The following NPAS3 variants were observed in gnomAD, a reference collection of about 807,000 sequenced individuals.
The protein encoded by NPAS3 is neuronal PAS domain protein 3.
A neutral mutation model predicts 73.1 loss-of-function variants in NPAS3; 14 were observed. The ratio of observed to expected loss-of-function variants is 0.19; its 90% CI spans 0.13 to 0.30. The LOEUF is 0.30. Ranked by LOEUF, NPAS3 falls within the 10% of genes least tolerant of loss-of-function variation. The pLI is 1.00. For synonymous variants in NPAS3, 620 were observed against 541.5 expected, an observed-to-expected ratio of 1.14 and a Z score of -2.01; for missense variants, 1,096 against 1,250.0, an observed-to-expected ratio of 0.88 and a Z score of 1.86.
chr14:33,000,559 AGC>A (rs2038769768), intron 1 of NPAS3, among the ~76,000 whole-genome samples: 1 of 152,250 alleles, frequency 6.6e-6, no homozygotes, highest in Non-Finnish European at 1.5e-5. Context: ...GGGTTTATGA[AGC>A]ACTGACAGCG....
chr14:33,221,314 G>T (rs895001437), intron 3 of NPAS3, among the ~76,000 whole-genome samples: 2 of 152,194 alleles, frequency 1.3e-5, no homozygotes, highest in Non-Finnish European at 2.9e-5. Context: ...AAGTCAAGGG[G>T]CAGGGAAGCA....
chr14:33,687,103 G>T (rs1042815451), intron 6 of NPAS3, among the ~76,000 whole-genome samples: 1 of 152,180 alleles, frequency 6.6e-6, no homozygotes, highest in African/African-American at 2.4e-5. Context: ...GAAAAAGACA[G>T]AAATATGCCT....
chr14:33,011,047 A>G (rs2039177011), intron 1 of NPAS3, among the ~76,000 whole-genome samples: 1 of 152,128 alleles, frequency 6.6e-6, no homozygotes, highest in Admixed American at 6.5e-5. Context: ...TTTGTGAGTA[A>G]TGGCAGTTAC....
chr14:33,532,310 G>A lies in NPAS3; in HGVS notation c.469-27811G>A, dbSNP rs374415567. On this transcript the variant is annotated intron_variant, in intron 4 of 11. Transcript: ENST00000356141. ...CCAGTCTCAGTTTTTCCTTTCTTTG[G>A]TCTCTGTCGAGCTTTTGCCCCAGCT... Among the ~76,000 whole-genome samples the A allele has an allele frequency of 3.3e-5, 5 of 151,718 alleles. No homozygotes were observed. In the East Asian group the frequency reaches 5.8e-4, roughly 18 times the overall value.
At chr14:33,473,864 T>C (rs1363155368) in intron 4 of NPAS3, among the ~76,000 whole-genome samples, 1 of 152,198 alleles carries the variant, frequency 6.6e-6, no homozygotes, top group Non-Finnish European at 1.5e-5. Context: ...AGCACTACAA[T>C]TGCAAAGTTA....
At chr14:33,270,795 C>A (rs116060437) in intron 3 of NPAS3, among the ~76,000 whole-genome samples, 1 of 152,072 alleles carries the variant, frequency 6.6e-6, no homozygotes, top group Admixed American at 6.6e-5. Context: ...CTAGAATGGA[C>A]GATGTCCTGT....
chr14:33,300,926 G>C (rs1325104693), intron 3 of NPAS3, among the ~76,000 whole-genome samples: 4 of 152,188 alleles, frequency 2.6e-5, no homozygotes, highest in Non-Finnish European at 5.9e-5. Context: ...TTAGAAATAG[G>C]ATTGAGGGCC....
At chr14:33,801,117 C>A (rs1414606310), downstream of NPAS3, 2 of 1,570,620 alleles carry the variant, frequency 1.3e-6, no homozygotes, top group Non-Finnish European at 1.7e-6. Context: ...TGAGGCGCCG[C>A]CCGTCCTGGG....
intron 2 of NPAS3, among the ~76,000 whole-genome samples, chr14:33,115,091 T>TTGTAACAAGCACTAAC (rs1173387698): frequency 4.6e-5 from 7 of 151,922 alleles, no homozygotes; most frequent in Admixed American, 1.3e-4. Flanking sequence ...ACTAACATTA[T>TTGTAACAAGCACTAAC]TGAGTGCTTA....
At chr14:33,117,252 G>T (rs146947751) in intron 2 of NPAS3, among the ~76,000 whole-genome samples, 361 of 151,984 alleles carry the variant, frequency 2.4e-3, no homozygotes, top group African/African-American at 7.4e-3. Flanking sequence ...TAATAATCTG[G>T]GGAGGAGGGA....
intron 2 of NPAS3, among the ~76,000 whole-genome samples, chr14:33,087,191 A>G (rs1189580215): frequency 8.2e-6 from 1 of 121,716 alleles, no homozygotes; most frequent in Non-Finnish European, 1.7e-5. Flanking sequence ...ACAATATAAT[A>G]TTGTATAATA....
chr14:33,380,198 A>C (rs1171831646), intron 4 of NPAS3, among the ~76,000 whole-genome samples: 2 of 152,116 alleles, frequency 1.3e-5, no homozygotes, highest in Non-Finnish European at 2.9e-5. Flanking sequence ...TTAAGAGGTA[A>C]CTTCCAGTGT....
At position 33,465,126 on chromosome 14, in the gene NPAS3, A is replaced by G. The variant is rs116292960; in HGVS notation, c.469-94995A>G. Among the ~76,000 whole-genome samples, 1,147 of 152,264 alleles carry G rather than the reference A, an allele frequency of 7.5e-3. 17 individuals are homozygous for G. Among genetic ancestry groups the G allele is most frequent in the African/African-American group, 0.026 (1,099 of 41,546 alleles). ...ATAACCAAACAAATTATGTATTTGTAGTATCCATTTACAATTTTATTAATC... is the reference window on the plus strand; with the variant it reads ...ATAACCAAACAAATTATGTATTTGTGGTATCCATTTACAATTTTATTAATC... On this transcript the variant is annotated intron_variant, in intron 4 of 11. Transcript: ENST00000356141.
At chr14:33,135,715 G>C (rs2043805735) in intron 2 of NPAS3, among the ~76,000 whole-genome samples, 1 of 152,014 alleles carries the variant, frequency 6.6e-6, no homozygotes, top group African/African-American at 2.4e-5. Context: ...TTGGATTTCT[G>C]AAGAAGAAAA....
chr14:33,352,982 T>C lies in NPAS3; in HGVS notation c.386-14204T>C, dbSNP rs537667280. ...CAAAGCAGACTGTCTCAGAGAGGAA[T>C]AAAAATGAGAGGAGAGCTAAGGGGA... On this transcript the variant is annotated intron_variant, in intron 3 of 11. Coordinates refer to ENST00000356141, the Ensembl canonical transcript of NPAS3. Among the ~76,000 whole-genome samples, 241 of 152,220 alleles carry C rather than the reference T, an allele frequency of 1.6e-3. 1 individual carries two copies. Among genetic ancestry groups the C allele is most frequent in the Non-Finnish European group, 2.9e-3 (194 of 67,996 alleles).
chr14:33,128,046 C>G (rs1330560808), intron 2 of NPAS3, among the ~76,000 whole-genome samples: 1 of 152,056 alleles, frequency 6.6e-6, no homozygotes, highest in Non-Finnish European at 1.5e-5. Context: ...ATTTTATTTT[C>G]TTTCAATTCT....
intron 8 of NPAS3, among the ~76,000 whole-genome samples, chr14:33,776,798 C>T (rs1180482139): frequency 1.3e-5 from 2 of 152,102 alleles, no homozygotes; most frequent in East Asian, 1.9e-4. Context: ...AAGGTGCCAT[C>T]AGGATTCTGA....
chr14:32,997,902 T>C (rs2038649388), intron 1 of NPAS3, among the ~76,000 whole-genome samples: 1 of 152,186 alleles, frequency 6.6e-6, no homozygotes, highest in African/African-American at 2.4e-5. Context: ...TATGTCTTTA[T>C]CAGCAGCATG....
At chr14:32,991,385 A>G (rs1298383470) in intron 1 of NPAS3, among the ~76,000 whole-genome samples, 1 of 152,050 alleles carries the variant, frequency 6.6e-6, no homozygotes, top group African/African-American at 2.4e-5. Context: ...CTTTGGTAAA[A>G]CGCAGCATTG....
Sources: gnomAD v4.1 joint callset for allele counts (sites outside exome capture counted in the v4.1 genomes callset) on GRCh38, gnomAD v4.1.1 for gene constraint, MANE v1.5 for transcripts, NCBI Gene and HGNC (gene_info 2026-07-23, HGNC 2026-07-21) for gene names.